The following EXD1 variants were observed in gnomAD, a reference collection of about 807,000 sequenced individuals.
EXD1 encodes the protein exonuclease 3'-5' domain containing 1, also known as piRNA biogenesis protein EXD1.
In EXD1, 63 loss-of-function variants were observed where a neutral mutation model predicts 49.1. The ratio of observed to expected loss-of-function variants is 1.28; its 90% confidence interval spans 1.05 to 1.58. The LOEUF is 1.58. EXD1 is among the 40% of genes most tolerant of loss of function. The pLI, the probability that EXD1 is intolerant of heterozygous loss-of-function variation, is 0.00. For missense variants in EXD1, 748 were observed against 666.0 expected (o/e 1.12, Z -1.36); for synonymous variants, 234 against 239.2 (o/e 0.98, Z 0.20).
chr15:41,184,365 G>A lies in EXD1; in HGVS notation c.1285C>T (p.Gln429Ter). The A allele has an allele frequency of 1.2e-6, 2 of 1,614,112 alleles. No homozygotes were observed. Among genetic ancestry groups the A allele is most frequent in the Non-Finnish European group, 1.7e-6 (2 of 1,180,020 alleles). ...AAATTCACATCCCCGTGAAAGTCTT[G>A]AGATGTAAAACTTGGAGCTTTATCT... is the stretch of plus-strand genomic sequence containing the variant. ...RIDKAPSFTS[Q>*]DFHGDVNLLK... The change falls in exon 12 of 12, where the codon CAA becomes TAA. Residue 429 changes from glutamine to a stop codon, truncating the protein, a stop_gained. Transcript: ENST00000458580. LOFTEE classifies it low-confidence loss of function (END_TRUNC).
intron 4 of EXD1, 59 bp downstream of exon 4, chr15:41,217,038 T>G: frequency 6.7e-7 from 1 of 1,487,592 alleles, no homozygotes; most frequent in East Asian, 2.3e-5. Flanking sequence ...AGTTAAGGCT[T>G]TCTACCCTAA....
Position 41,217,131 on chromosome 15 carries a change from G to A in EXD1, c.226C>T (p.Gln76Ter). The A allele has an allele frequency of 1.2e-6, 2 of 1,612,368 alleles. No homozygotes were observed. The highest frequency in any genetic ancestry group is 1.7e-6 in the Non-Finnish European group (2 of 1,179,886). Residue 76 changes from glutamine (Q) to a stop codon, truncating the protein, a stop_gained, in exon 4 of 12, where the codon CAA (glutamine) becomes TAA (stop). Transcript: ENST00000458580. LOFTEE classifies it high-confidence loss of function. Reference sequence around the variant, plus strand: ...GATGCTTTTGCTCTCACTGAGCCTTGTTCCACTTCATCTAGTAGTTCCACT... The same window carrying A: ...GATGCTTTTGCTCTCACTGAGCCTTATTCCACTTCATCTAGTAGTTCCACT... The part of the protein sequence containing the change: ...VNVELLDEVE[Q>*]GSVRAKASSV...
chr15:41,190,451 A>G (rs1420411302), intron 10 of EXD1: 5 of 302,356 alleles, frequency 1.7e-5, no homozygotes, highest in Non-Finnish European at 2.6e-5. Flanking sequence ...ACTGCACTCC[A>G]GCCTGGTGAC....
rs535794629 is a variant in EXD1 at position 41,227,325 on chromosome 15, T to G, written c.-53-697A>C. ...ACTTGAAATGTTCCATTTCTGTGTA[T>G]TTTTTTATTTTCTGTCCTATGACAG... On this transcript the variant is annotated intron_variant, in intron 1 of 11. Transcript: ENST00000458580. Among the ~76,000 whole-genome samples, 163 of 152,326 alleles carry G rather than the reference T, an allele frequency of 1.1e-3. 1 individual carries two copies. The highest frequency in any genetic ancestry group is 3.6e-3 in the African/African-American group (148 of 41,574).
At chr15:41,211,527 A>C (rs1347410868) in intron 6 of EXD1, among the ~76,000 whole-genome samples, 2 of 152,074 alleles carry the variant, frequency 1.3e-5, no homozygotes, top group Non-Finnish European at 2.9e-5. Flanking sequence ...AACTCAATTA[A>C]AAAACAGCAA....
chr15:41,196,634 T>C (rs930546959), intron 7 of EXD1, among the ~76,000 whole-genome samples: 3 of 151,892 alleles, frequency 2.0e-5, no homozygotes, highest in Admixed American at 6.6e-5. Context: ...TTTCACCATA[T>C]TGGCCAGGCT....
chr15:41,198,708 ATTT>A (rs896709895), intron 7 of EXD1, among the ~76,000 whole-genome samples: 1 of 146,256 alleles, frequency 6.8e-6, no homozygotes, highest in South Asian at 2.2e-4. Context: ...ATTAAAAAAA[ATTT>A]TTTTTTTTTT....
In EXD1 at chr15:41,183,957, T is replaced by C. The variant is rs540189423; in HGVS notation, c.1693A>G (p.Ile565Val). 1.2e-5 allele frequency: 20 copies of C among 1,605,526 alleles called. No homozygotes were observed. The East Asian group carries it at 2.7e-4, about 22-fold the overall frequency. ...TAGGGCAGATTTAGAAAAGGACTTA[T>C]CCAGGAATCGATCTTCTCCAAGGCT... ...CPALEKIDSW[I>V]SPFLNLP Residue 565 changes from isoleucine (I) to valine (V), a missense_variant, in exon 12 of 12, where the codon ATA becomes GTA. Ile to Val is a conservative substitution (Grantham distance 29). Coordinates refer to ENST00000458580, the MANE Select transcript of EXD1 (RefSeq NM_001286441.2).
rs766220926 is a variant in EXD1, at chr15:41,184,603, G to T, written c.1057-10C>A. 1 of 1,555,468 alleles carries T rather than the reference G, an allele frequency of 6.4e-7. No individual in the cohort carries two copies. Among genetic ancestry groups the T allele is most frequent in the Non-Finnish European group, 8.6e-7 (1 of 1,156,718 alleles). ...GCTCCATACATGTAGGCTAAGAAGA[G>T]AAAGCGAACACAAGTTTATTATAAC... On this transcript the variant is annotated splice_polypyrimidine_tract_variant and intron_variant, in intron 11 of 11. Transcript: ENST00000458580.
rs763620121 is a variant in EXD1 at position 41,190,103 on chromosome 15, C to T, written c.890G>A (p.Arg297Gln). 26 of 1,613,932 alleles carry T rather than the reference C, an allele frequency of 1.6e-5. No individual in the cohort carries two copies. The highest frequency in any genetic ancestry group is 1.6e-4 in the Middle Eastern group (1 of 6,084). ...TTTCAGTAAAGAGGGTGAAACAGGT[C>T]GGATGAACCATACTTCTGGATTTTC... is the stretch of plus-strand genomic sequence containing the variant. The part of the protein sequence containing the change: ...IQENPEVWFI[R>Q]PVSPSLLKIL... Residue 297 changes from arginine (R) to glutamine (Q), a missense_variant, in exon 11 of 12, where the codon CGA becomes CAA. Transcript: ENST00000458580.
At chr15:41,196,380 G>T (rs538837547) in intron 7 of EXD1, among the ~76,000 whole-genome samples, 1 of 145,852 alleles carries the variant, frequency 6.9e-6, no homozygotes, top group Non-Finnish European at 1.5e-5. Flanking sequence ...GCAGTGGCGC[G>T]ATCTTGGCTC....
chr15:41,206,978 T>C (rs1331973990), intron 7 of EXD1, among the ~76,000 whole-genome samples: 2 of 122,670 alleles, frequency 1.6e-5, no homozygotes, highest in African/African-American at 6.0e-5. Flanking sequence ...GCGCCAGGTG[T>C]GGTGGCTCAC....
intron 2 of EXD1, among the ~76,000 whole-genome samples, chr15:41,224,075 G>A (rs2140907082): frequency 6.6e-6 from 1 of 151,584 alleles, no homozygotes; most frequent in South Asian, 2.1e-4. Context: ...AAGTAGCTGG[G>A]ATTACAGGTG....
chr15:41,221,845 G>A (rs987986141), intron 2 of EXD1, among the ~76,000 whole-genome samples: 4 of 152,000 alleles, frequency 2.6e-5, no homozygotes, highest in Non-Finnish European at 5.9e-5. Flanking sequence ...GTTCACGCCT[G>A]TAATTCCAGC....
At chr15:41,198,101 G>A (rs76431652) in intron 7 of EXD1, among the ~76,000 whole-genome samples, 3,029 of 152,168 alleles carry the variant, frequency 0.02, 57 homozygotes, top group East Asian at 0.071. Flanking sequence ...CTAAATATTT[G>A]GTCTTCCTTC....
intron 3 of EXD1, chr15:41,219,328 T>TTATA (rs2047051962): frequency 6.6e-6 from 1 of 152,202 alleles, no homozygotes. Flanking sequence ...GATATGCTAT[T>TTATA]TATAGTCCGA....
intron 7 of EXD1, among the ~76,000 whole-genome samples, chr15:41,200,525 C>CA (rs994911645): frequency 9.2e-5 from 14 of 152,168 alleles, no homozygotes; most frequent in Admixed American, 2.0e-4. Flanking sequence ...GACTCTGTCT[C>CA]AAAATAATGA....
chr15:41,219,208 T>C (rs957135764), intron 3 of EXD1, among the ~76,000 whole-genome samples: 1 of 152,210 alleles, frequency 6.6e-6, no homozygotes, highest in African/African-American at 2.4e-5. Context: ...TCTTGCTAAA[T>C]GGTTTGTGCT....
chr15:41,224,655 T>C (rs2047135032), intron 2 of EXD1, among the ~76,000 whole-genome samples: 1 of 152,022 alleles, frequency 6.6e-6, no homozygotes, highest in Admixed American at 6.6e-5. Flanking sequence ...CAGCTGCAAG[T>C]TGTAAGATTT....
Sources: gnomAD v4.1 joint callset for allele counts (sites outside exome capture counted in the v4.1 genomes callset) on GRCh38, gnomAD v4.1.1 for gene constraint, MANE v1.5 for transcripts, NCBI Gene and HGNC (gene_info 2026-07-23, HGNC 2026-07-21) for gene names.